Variants in CDH18 observed in about 807,000 individuals in gnomAD.
The protein encoded by CDH18 is cadherin 18.
CDH18 carries 31 observed loss-of-function variants against 67.9 expected under a neutral mutation model. The observed-to-expected ratio is 0.46, with a 90% CI of 0.34 to 0.62. The LOEUF (loss-of-function observed/expected upper bound fraction) is 0.62, where lower values mean the gene tolerates loss of function less well. CDH18 is among the 20% of genes least tolerant of loss of function. The pLI is 0.01. For missense variants in CDH18, 890 were observed against 975.5 expected (o/e 0.91, Z 1.17); for synonymous variants, 362 against 347.2 (o/e 1.04, Z -0.48).
At chr5:20,416,987 G>A (rs1325393338) in intron 1 of CDH18, among the ~76,000 whole-genome samples, 3 of 152,056 alleles carry the variant, frequency 2.0e-5, no homozygotes, top group Non-Finnish European at 4.4e-5. Context: ...CTATAGTAGA[G>A]AAAAATAATA....
At chr5:20,263,106 A>C (rs1744782604) in intron 1 of CDH18, among the ~76,000 whole-genome samples, 1 of 151,880 alleles carries the variant, frequency 6.6e-6, no homozygotes. Context: ...AAAAATACAC[A>C]CACACAATTA....
intron 2 of CDH18, among the ~76,000 whole-genome samples, chr5:20,246,370 T>A (rs1743376503): frequency 6.6e-6 from 1 of 152,204 alleles, no homozygotes; most frequent in Non-Finnish European, 1.5e-5. Flanking sequence ...AAATGATCCA[T>A]ATTTCAGTAT....
chr5:20,271,655 G>A (rs10941681), intron 1 of CDH18, among the ~76,000 whole-genome samples: 42,774 of 151,770 alleles, frequency 0.28, 7,053 homozygotes, highest in Non-Finnish European at 0.37. Flanking sequence ...AAACACACAG[G>A]AAGAGCCTTG....
intron 6 of CDH18, among the ~76,000 whole-genome samples, chr5:19,608,244 G>A (rs1748383565): frequency 6.6e-6 from 1 of 151,250 alleles, no homozygotes; most frequent in Non-Finnish European, 1.5e-5. Flanking sequence ...AATATATACT[G>A]TCATTTTAAA....
At chr5:19,801,836 G>C (rs939450255) in intron 3 of CDH18, among the ~76,000 whole-genome samples, 1 of 152,056 alleles carries the variant, frequency 6.6e-6, no homozygotes, top group Non-Finnish European at 1.5e-5. Flanking sequence ...ATTACTTATT[G>C]ACAGTTCCCC....
intron 7 of CDH18, among the ~76,000 whole-genome samples, chr5:19,574,558 T>TTA (rs1370401723): frequency 6.6e-6 from 1 of 152,070 alleles, no homozygotes; most frequent in South Asian, 2.1e-4. Context: ...TATTTTAGAG[T>TTA]TATATATATA....
chr5:20,231,854 T>C (rs1430564929), intron 2 of CDH18, among the ~76,000 whole-genome samples: 2 of 152,062 alleles, frequency 1.3e-5, no homozygotes, highest in Non-Finnish European at 2.9e-5. Flanking sequence ...AATATCGTAA[T>C]TTTAATACAT....
chr5:20,182,194 G>A (rs907385066), intron 2 of CDH18, among the ~76,000 whole-genome samples: 3 of 151,918 alleles, frequency 2.0e-5, no homozygotes, highest in East Asian at 3.9e-4. Flanking sequence ...ATACAGTTTC[G>A]ATAACTTGTT....
chr5:19,604,858 C>A (rs1243099094), intron 6 of CDH18, among the ~76,000 whole-genome samples: 1 of 150,188 alleles, frequency 6.7e-6, no homozygotes, highest in African/African-American at 2.4e-5. Flanking sequence ...TTTTTTTTTT[C>A]TCTCAAGTAT....
In CDH18 at chr5:19,539,052, A is replaced by G. The variant is rs1331979634; in HGVS notation, c.1390+4817T>C. On this transcript the variant is annotated intron_variant, in intron 9 of 12. Transcript: ENST00000382275. ...ACAATTGTACATGGCAATGTTCCCA[A>G]TGACATTAACAGGCAATTAAGCCAC... 2.6e-5 allele frequency among the ~76,000 whole-genome samples: 4 copies of G among 152,294 alleles called. No individual in the cohort carries two copies. In the South Asian group the frequency reaches 6.2e-4, roughly 24 times the overall value.
chr5:20,039,866 G>T (rs185350849), intron 2 of CDH18, among the ~76,000 whole-genome samples: 2 of 152,120 alleles, frequency 1.3e-5, no homozygotes, highest in African/African-American at 4.8e-5. Flanking sequence ...TTAAACTAAA[G>T]AGCTTCTGCA....
At chr5:20,462,756 C>T (rs1181277128) in intron 1 of CDH18, among the ~76,000 whole-genome samples, 1 of 151,874 alleles carries the variant, frequency 6.6e-6, no homozygotes, top group Non-Finnish European at 1.5e-5. Flanking sequence ...TCATAATAAC[C>T]CATATTGCAC....
chr5:19,793,602 T>A (rs4389690), intron 3 of CDH18, among the ~76,000 whole-genome samples: 65,218 of 151,928 alleles, frequency 0.43, 14,605 homozygotes, highest in Middle Eastern at 0.59. Context: ...TAAAATTAAT[T>A]GTGGATTTTG....
intron 3 of CDH18, among the ~76,000 whole-genome samples, chr5:19,787,648 G>A (rs1581354406): frequency 6.6e-6 from 1 of 151,764 alleles, no homozygotes; most frequent in South Asian, 2.1e-4. Context: ...AGTTAATCAT[G>A]AGACATAAAT....
chr5:19,731,676 A>G (rs933543596), intron 4 of CDH18, among the ~76,000 whole-genome samples: 2 of 152,344 alleles, frequency 1.3e-5, no homozygotes, highest in African/African-American at 2.4e-5. Context: ...TAAGAACTCA[A>G]ATAATCGTCG....
In CDH18 at chr5:19,571,761, G is replaced by A. The variant is rs374624761; in HGVS notation, c.1071C>T (p.Arg357=). The part of the protein sequence containing the change: ...IEGANTHLDF[R]FSHLGPFKDA... ...CTTTAAAAGGACCCAAGTGAGAAAA[G>A]CGAAAATCAAGATGTGTATTTGCTC... is the stretch of plus-strand genomic sequence containing the variant. Residue 357 remains arginine, a synonymous_variant, in exon 8 of 13, where the codon CGC becomes CGT. Transcript: ENST00000382275. 1 of 1,613,752 alleles carries A rather than the reference G, an allele frequency of 6.2e-7. No homozygotes were observed. The highest frequency in any genetic ancestry group is 8.5e-7 in the Non-Finnish European group (1 of 1,179,850).
intron 1 of CDH18, among the ~76,000 whole-genome samples, chr5:20,430,450 A>G (rs1298482768): frequency 6.6e-6 from 1 of 152,150 alleles, no homozygotes; most frequent in Non-Finnish European, 1.5e-5. Flanking sequence ...CATAGCTGCC[A>G]TCTCACAACA....
chr5:20,242,624 A>ATACATGTATATATATATATG (rs1743049561), intron 2 of CDH18, among the ~76,000 whole-genome samples: 1 of 36,728 alleles, frequency 2.7e-5, no homozygotes, highest in African/African-American at 8.3e-5. Flanking sequence ...ATATATATAT[A>ATACATGTATATATATATATG]TATATATATG....
intron 1 of CDH18, among the ~76,000 whole-genome samples, chr5:20,555,408 C>CTTTTTTTTTTTTTTTTTTTTTT (rs774396694): frequency 2.4e-4 from 25 of 103,650 alleles, no homozygotes; most frequent in Non-Finnish European, 2.6e-4. Flanking sequence ...ACAAGCTTTT[C>CTTTTTTTTTTTTTTTTTTTTTT]TTTTTTTTTT....
Sources: allele counts gnomAD v4.1 joint callset (sites outside exome capture counted in the v4.1 genomes callset), GRCh38; gene constraint gnomAD v4.1.1; transcripts MANE v1.5; gene names NCBI Gene and HGNC (gene_info 2026-07-23, HGNC 2026-07-21).